PRELID2: variants seen among roughly 807,000 people sequenced by gnomAD.
PRELID2 encodes the protein PRELI domain-containing protein 2.
PRELID2 carries 25 observed loss-of-function variants against 28.4 expected under a neutral mutation model. The observed-to-expected ratio is 0.88, with a 90% CI of 0.64 to 1.23. The LOEUF is 1.23. Among genes scored for constraint, PRELID2 ranks in the 50% most tolerant of loss-of-function variants. The pLI, the probability that PRELID2 is intolerant of heterozygous loss-of-function variation, is 0.00. For synonymous variants in PRELID2, 76 were observed against 71.6 expected, an observed-to-expected ratio of 1.06 and a Z score of -0.31; for missense variants, 201 against 214.4, an observed-to-expected ratio of 0.94 and a Z score of 0.39.
chr5:145,475,807 A>G (rs1752095681), intron 1 of PRELID2, among the ~76,000 whole-genome samples: 1 of 152,186 alleles, frequency 6.6e-6, no homozygotes, highest in Non-Finnish European at 1.5e-5. Flanking sequence ...GATCTATAGT[A>G]TTTACCTGTG....
chr5:145,254,194 T>C, the PRELID2 span, among the ~76,000 whole-genome samples: 9 of 152,196 alleles, frequency 5.9e-5, no homozygotes, highest in African/African-American at 1.9e-4. Flanking sequence ...TATTTATTCA[T>C]ACATATCATT....
At chr5:145,707,519 A>G (rs1429970942) in intron 1 of PRELID2, among the ~76,000 whole-genome samples, 1 of 152,194 alleles carries the variant, frequency 6.6e-6, no homozygotes, top group Non-Finnish European at 1.5e-5. Context: ...CCGCTAAGTT[A>G]GTATGTTTAG....
At chr5:145,592,175 G>T (rs1016893213) in intron 1 of PRELID2, among the ~76,000 whole-genome samples, 1 of 152,268 alleles carries the variant, frequency 6.6e-6, no homozygotes, top group Admixed American at 6.5e-5. Context: ...CCACCACTTT[G>T]GGAGGCTGAG....
chr5:145,779,460 T>G (rs1006249695), intron 5 of PRELID2, among the ~76,000 whole-genome samples: 1 of 152,080 alleles, frequency 6.6e-6, no homozygotes, highest in African/African-American at 2.4e-5. Context: ...ATTATATAAC[T>G]ATTTAATGAA....
At chr5:145,802,397 C>A (rs534542344) in intron 4 of PRELID2, among the ~76,000 whole-genome samples, 1 of 152,200 alleles carries the variant, frequency 6.6e-6, no homozygotes, top group East Asian at 1.9e-4. Flanking sequence ...TCTATTTTTT[C>A]TTCATTGAAT....
intron 1 of PRELID2, among the ~76,000 whole-genome samples, chr5:145,712,838 T>TTA (rs1755731725): frequency 1.3e-5 from 2 of 151,938 alleles, no homozygotes; most frequent in South Asian, 4.1e-4. Context: ...AAGTTATTAC[T>TTA]TATATATATA....
At chr5:145,665,999 A>AGAAAG (rs545539798) in intron 1 of PRELID2, among the ~76,000 whole-genome samples, 3 of 147,774 alleles carry the variant, frequency 2.0e-5, no homozygotes, top group East Asian at 3.9e-4. Context: ...AAAAAAAAAA[A>AGAAAG]AAAGAAAGAA....
At chr5:145,608,378 AAC>A (rs1753540015) in intron 1 of PRELID2, among the ~76,000 whole-genome samples, 1 of 152,164 alleles carries the variant, frequency 6.6e-6, no homozygotes, top group African/African-American at 2.4e-5. Context: ...GATGGCTGGT[AAC>A]AGTCTTTCTT....
intron 1 of PRELID2, among the ~76,000 whole-genome samples, chr5:145,485,640 T>C (rs976650691): frequency 2.0e-5 from 3 of 152,184 alleles, no homozygotes; most frequent in African/African-American, 7.2e-5. Flanking sequence ...AATGGCAGTC[T>C]TAACCGCTGC....
chr5:145,603,529 C>T (rs981383144), intron 1 of PRELID2, among the ~76,000 whole-genome samples: 6 of 151,978 alleles, frequency 3.9e-5, no homozygotes, highest in South Asian at 2.1e-4. Flanking sequence ...GATAGTTCAC[C>T]GCCAGAAGAC....
chr5:145,245,563 T>C, the PRELID2 span, among the ~76,000 whole-genome samples: 2 of 152,074 alleles, frequency 1.3e-5, no homozygotes, highest in South Asian at 2.1e-4. Context: ...GTGCCTGCAG[T>C]TAACTTAAGA....
chr5:145,325,704 C>T, the PRELID2 span, among the ~76,000 whole-genome samples: 1 of 152,140 alleles, frequency 6.6e-6, no homozygotes, highest in African/African-American at 2.4e-5. Context: ...TAACCTTATT[C>T]CCTTTCATTT....
At chr5:145,416,914 T>C in the PRELID2 span, among the ~76,000 whole-genome samples, 3 of 151,930 alleles carry the variant, frequency 2.0e-5, no homozygotes, top group African/African-American at 7.3e-5. Flanking sequence ...CTTCTGCCTA[T>C]GAGCCCATAA....
intron 4 of PRELID2, among the ~76,000 whole-genome samples, chr5:145,808,870 G>T (rs987258803): frequency 2.7e-5 from 4 of 148,634 alleles, no homozygotes; most frequent in Admixed American, 1.4e-4. Context: ...GGCAACAGAG[G>T]GACCCTGTCT....
chr5:145,323,670 G>A, the PRELID2 span, among the ~76,000 whole-genome samples: 281 of 152,178 alleles, frequency 1.8e-3, 8 homozygotes, highest in East Asian at 0.044. Context: ...GTGTCCATGT[G>A]CACTCAATGT....
chr5:145,546,341 A>T (rs553278826), intron 1 of PRELID2, among the ~76,000 whole-genome samples: 11 of 152,216 alleles, frequency 7.2e-5, no homozygotes, highest in African/African-American at 2.6e-4. Flanking sequence ...TCATCAGAGA[A>T]AACTCAAAAT....
intron 2 of PRELID2, chr5:145,472,287 C>G (rs997315945): frequency 8.5e-5 from 13 of 152,176 alleles, no homozygotes; most frequent in African/African-American, 3.1e-4. Flanking sequence ...GACTTGAATG[C>G]TGAGACCACT....
chr5:145,421,105 C>G, the PRELID2 span, among the ~76,000 whole-genome samples: 3,000 of 151,774 alleles, frequency 0.02, 46 homozygotes, highest in Non-Finnish European at 0.031. Context: ...GGGGGATAAG[C>G]TTTTTGATGT....
At chr5:145,551,951 C>A (rs1176114826) in intron 1 of PRELID2, among the ~76,000 whole-genome samples, 1 of 152,154 alleles carries the variant, frequency 6.6e-6, no homozygotes, top group Non-Finnish European at 1.5e-5. Context: ...TCATTCTCCT[C>A]CCGCCTTCTG....
Sources: gnomAD v4.1 joint callset for allele counts (sites outside exome capture counted in the v4.1 genomes callset) on GRCh38, gnomAD v4.1.1 for gene constraint, MANE v1.5 for transcripts, NCBI Gene and HGNC (gene_info 2026-07-23, HGNC 2026-07-21) for gene names.